The following KANSL2 variants were observed in gnomAD, a reference collection of about 807,000 sequenced individuals.
KANSL2 encodes NSL complex protein NSL2.
A neutral mutation model predicts 55.6 loss-of-function variants in KANSL2; 34 were observed. The observed-to-expected ratio is 0.61, with a 90% confidence interval of 0.46 to 0.81. The LOEUF (loss-of-function observed/expected upper bound fraction) is 0.81, where lower values mean the gene tolerates loss of function less well. Ranked by LOEUF, KANSL2 falls within the 40% of genes least tolerant of loss-of-function variation. KANSL2 has a pLI of 0.00. For missense variants in KANSL2, 502 were observed against 609.9 expected (o/e 0.82, Z 1.86); for synonymous variants, 209 against 214.3 (o/e 0.98, Z 0.22).
At position 48,654,174 on chromosome 12, in the gene KANSL2, C is replaced by T; in HGVS notation, c.1349G>A (p.Gly450Asp). ...EIAEDPVDIL[G>D]QMQMAGDGCR... ...CCCATCTCCAGCCATCTGCATCTGG[C>T]CCTGTTAAAAGAAATAAAGGCACTT... The change falls in exon 10 of 10, where the codon GGC (glycine) becomes GAC (aspartate). Residue 450 changes from glycine to aspartate, a missense_variant and splice_region_variant. Physicochemically the swap from Gly to Asp is moderately conservative, Grantham distance 94. Coordinates refer to ENST00000420613, the MANE Select transcript of KANSL2 (RefSeq NM_017822.4). The T allele has an allele frequency of 6.3e-7, 1 of 1,596,790 alleles. No homozygotes were observed. Among genetic ancestry groups the T allele is most frequent in the Non-Finnish European group, 8.5e-7 (1 of 1,174,448 alleles).
chr12:48,654,623 G>C (rs141994786), intron 9 of KANSL2: 3 of 520,748 alleles, frequency 5.8e-6, no homozygotes, highest in African/African-American at 5.7e-5. Context: ...CAGAAGGTAT[G>C]ATTTCCCTAG....
intron 4 of KANSL2, among the ~76,000 whole-genome samples, chr12:48,677,693 G>A (rs943053364): frequency 1.4e-5 from 2 of 144,370 alleles, no homozygotes; most frequent in Admixed American, 7.5e-5. Context: ...GCTGAGGCAG[G>A]AGAATTGCTT....
chr12:48,678,627 AT>A (rs1298674445), intron 4 of KANSL2, among the ~76,000 whole-genome samples: 1 of 152,202 alleles, frequency 6.6e-6, no homozygotes, highest in African/African-American at 2.4e-5. Flanking sequence ...AAATTTATAA[AT>A]CCCATAAACA....
chr12:48,678,619 A>T (rs1939867246), intron 4 of KANSL2, among the ~76,000 whole-genome samples: 1 of 152,228 alleles, frequency 6.6e-6, no homozygotes, highest in Non-Finnish European at 1.5e-5. Flanking sequence ...ACTTTAAAAA[A>T]TTTATAAATC....
rs1353189214 is a variant in KANSL2 at position 48,660,674 on chromosome 12, C to T, written c.974-55G>A. 1.9e-6 allele frequency: 3 copies of T among 1,539,744 alleles called. No individual in the cohort carries two copies. The East Asian group carries it at 6.8e-5, about 35-fold the overall frequency. On this transcript the variant is annotated intron_variant, in intron 7 of 9. Coordinates refer to ENST00000420613, the MANE Select transcript of KANSL2 (RefSeq NM_017822.4). ...CACAATCTATCGAAAGCATAAAATACAAATAGCATTGTCTGCCACATAAAA... is the reference window on the plus strand; with the variant it reads ...CACAATCTATCGAAAGCATAAAATATAAATAGCATTGTCTGCCACATAAAA...
chr12:48,680,085 G>A (rs575236829), intron 2 of KANSL2: 2 of 402,088 alleles, frequency 5.0e-6, no homozygotes, highest in East Asian at 9.3e-5. Context: ...CAAGGGATTG[G>A]GTCTTGCTCT....
chr12:48,660,532 A>C lies in KANSL2; in HGVS notation c.1061T>G (p.Leu354Arg). Residue 354 changes from leucine (L) to arginine (R), a missense_variant, in exon 8 of 10, where the codon CTC becomes CGC. Transcript: ENST00000420613. The stretch of plus-strand genomic sequence containing the variant: ...CAGTGGGCAGCAGGGATCCTCAGAG[A>C]GGCTTACAGGAACAGGTTTGTTGCA... ...VPCNKPVPVS[L>R]SEDPCCPLHF... The C allele has an allele frequency of 6.2e-7, 1 of 1,613,570 alleles. No individual in the cohort carries two copies. The highest frequency in any genetic ancestry group is 1.1e-5 in the South Asian group (1 of 90,962).
Position 48,681,915 on chromosome 12 carries a change from C to G in KANSL2, c.-10+272G>C, listed in dbSNP as rs749984290. 7.1e-6 allele frequency: 5 copies of G among 703,466 alleles called. No homozygotes were observed. The South Asian group carries it at 7.4e-5, about 10-fold the overall frequency. The allele number at this position is 703,466 out of a possible 1,614,324, so 43.6% of individuals were successfully genotyped here. A position where few individuals can be genotyped will look rare whatever the true frequency, so the allele number is the denominator to read the frequency against. ...TGCAGCACGAAGGGAAGCGACAACA[C>G]CAGCCCCACGCGGCGGCCACGCCGC... On this transcript the variant is annotated intron_variant, in intron 1 of 9. Transcript: ENST00000420613.
Position 48,669,520 on chromosome 12 carries a change from A to AT in KANSL2, c.710-249_710-248insA, listed in dbSNP as rs200007305. On this transcript the variant is annotated intron_variant, in intron 5 of 9. Coordinates refer to ENST00000420613, the MANE Select transcript of KANSL2 (RefSeq NM_017822.4). ...AAGATTATAACAAAGCTGGAAAAAA[A>AT]ATTTTTTTTTTTTTTGAGGCACAGT... 4.7e-3 allele frequency among the ~76,000 whole-genome samples: 707 copies of AT among 149,476 alleles called. 2 individuals are homozygous for AT. Among genetic ancestry groups the AT allele is most frequent in the Non-Finnish European group, 7.5e-3 (506 of 67,138 alleles).
At chr12:48,657,604 TTG>T (rs66499642) in intron 8 of KANSL2, among the ~76,000 whole-genome samples, 43,351 of 149,582 alleles carry the variant, frequency 0.29, 6,787 homozygotes, top group Non-Finnish European at 0.35. Flanking sequence ...TATGTGCAAT[TTG>T]TGTGTGTGTG....
intron 7 of KANSL2, chr12:48,662,741 C>T (rs1333171201): frequency 1.2e-6 from 1 of 852,720 alleles, no homozygotes; most frequent in Non-Finnish European, 1.6e-6. Context: ...AAATACTTCC[C>T]TTCTCTTTTC....
intron 4 of KANSL2, among the ~76,000 whole-genome samples, chr12:48,674,503 C>A (rs1042796087): frequency 6.6e-6 from 1 of 152,042 alleles, no homozygotes; most frequent in East Asian, 1.9e-4. Context: ...ACAGAATATA[C>A]AAAATTAACT....
intron 8 of KANSL2, chr12:48,656,679 CA>C (rs1323535751): frequency 1.9e-6 from 1 of 514,340 alleles, no homozygotes; most frequent in Non-Finnish European, 3.9e-6. Context: ...TGGCAATTCG[CA>C]CTGGAATACT....
chr12:48,654,904 T>C, intron 9 of KANSL2, 37 bp downstream of exon 9: 1 of 1,551,772 alleles, frequency 6.4e-7, no homozygotes, highest in Non-Finnish European at 8.7e-7. Flanking sequence ...GCCAGGTCAC[T>C]ACATGAGGGA....
At chr12:48,666,953 G>A (rs1939612287) in intron 7 of KANSL2, among the ~76,000 whole-genome samples, 2 of 152,004 alleles carry the variant, frequency 1.3e-5, no homozygotes, top group African/African-American at 4.8e-5. Flanking sequence ...AGCCAAGGCG[G>A]GTGGATCACC....
chr12:48,681,917 A>T (rs936191617), intron 1 of KANSL2: 8 of 703,256 alleles, frequency 1.1e-5, no homozygotes, highest in Non-Finnish European at 2.1e-5. Context: ...CGACAACACC[A>T]GCCCCACGCG....
At chr12:48,679,012 G>A (rs528071782) in intron 4 of KANSL2, 24 bp downstream of exon 4, 35 of 1,488,346 alleles carry the variant, frequency 2.4e-5, no homozygotes, top group Non-Finnish European at 2.9e-5. Context: ...CATTTCAAAT[G>A]CCTTATGTGG....
intron 8 of KANSL2, among the ~76,000 whole-genome samples, chr12:48,659,342 G>A (rs1041144756): frequency 3.5e-5 from 5 of 143,440 alleles, no homozygotes; most frequent in African/African-American, 7.8e-5. Flanking sequence ...GTTCACACTT[G>A]TAATCCCAGC....
rs533975886 is a variant in KANSL2, at chr12:48,662,506, G to A, written c.974-1887C>T. 92 of 1,190,554 alleles carry A rather than the reference G, an allele frequency of 7.7e-5. 4 individuals carry two copies. In the South Asian group the frequency reaches 1.0e-3, roughly 13 times the overall value. The allele number at this position is 1,190,554 out of a possible 1,614,324, so 73.7% of individuals were successfully genotyped here. On this transcript the variant is annotated intron_variant, in intron 7 of 9. Coordinates refer to ENST00000420613, the MANE Select transcript of KANSL2 (RefSeq NM_017822.4). ...GGACTCCCCCCATCATCCTCCACCC[G>A]CTTTCCTTTCAGATGGGGCAAAAGA...
Sources: gnomAD v4.1 joint callset for allele counts (sites outside exome capture counted in the v4.1 genomes callset) on GRCh38, gnomAD v4.1.1 for gene constraint, MANE v1.5 for transcripts, NCBI Gene and HGNC (gene_info 2026-07-23, HGNC 2026-07-21) for gene names.